Variants in DAAM2 observed in about 807,000 individuals in gnomAD.
DAAM2 encodes the protein dishevelled associated activator of morphogenesis 2.
A neutral mutation model predicts 120.7 loss-of-function variants in DAAM2; 39 were observed. The observed-to-expected ratio is 0.32, with a 90% CI of 0.25 to 0.42. The LOEUF (loss-of-function observed/expected upper bound fraction) is 0.42. Among genes scored for constraint, DAAM2 ranks in the 10% least tolerant of loss-of-function variants. The probability of loss-of-function intolerance (pLI) is 1.00; values close to 1 mark genes in which losing one functional copy is unlikely to be tolerated. For missense variants in DAAM2, 1,283 were observed against 1,401.7 expected (o/e 0.92, Z 1.35); for synonymous variants, 488 against 524.9 (o/e 0.93, Z 0.96).
chr6:39,815,496 G>A (rs1762280131), intron 1 of DAAM2, among the ~76,000 whole-genome samples: 3 of 152,138 alleles, frequency 2.0e-5, no homozygotes, highest in African/African-American at 7.2e-5. Flanking sequence ...GCAGCTGTGA[G>A]CCTTCAATGA....
rs199545289 is a variant in DAAM2, at chr6:39,868,857, G to T, written c.797G>T (p.Arg266Leu). 8 of 1,587,060 alleles carry T rather than the reference G, an allele frequency of 5.0e-6. No individual in the cohort carries two copies. In the African/African-American group the frequency reaches 1.1e-4, roughly 21 times the overall value. ...LLNELDRSLG[R>L]YRDEVNLKTA... is the part of the protein sequence containing the mutation. ...AACGAGCTAGACCGAAGTCTGGGCC[G>T]GTACCGGGATGAAGTGAATCTGAAA... The change falls in exon 7 of 25, where the codon CGG becomes CTG. Residue 266 changes from arginine to leucine, a missense_variant. This residue lies in a region of DAAM2 where 338 missense variants were observed against 443.9 expected (regional missense o/e 0.76). Coordinates refer to ENST00000274867, the MANE Select transcript of DAAM2 (RefSeq NM_001201427.2).
At position 39,867,848 on chromosome 6, in the gene DAAM2, G is replaced by A; in HGVS notation, c.762+5G>A. 6.4e-7 allele frequency: 1 copy of A among 1,566,792 alleles called. No homozygotes were observed. Among genetic ancestry groups the A allele is most frequent in the Non-Finnish European group, 8.6e-7 (1 of 1,157,820 alleles). ...GCAGAGCGAACCCGCTTCCAGGTGA[G>A]GGGCCAGGCTGGAGGTGGGATGCCA... On this transcript the variant is annotated splice_donor_5th_base_variant and intron_variant, in intron 6 of 24. Transcript: ENST00000274867.
intron 1 of DAAM2, among the ~76,000 whole-genome samples, chr6:39,838,553 A>C (rs1364103479): frequency 6.6e-6 from 1 of 152,214 alleles, no homozygotes; most frequent in Non-Finnish European, 1.5e-5. Context: ...CCTACAAATT[A>C]GTGTCACCTG....
At chr6:39,819,781 C>T (rs1270741471) in intron 1 of DAAM2, 1 of 152,248 alleles carries the variant, frequency 6.6e-6, no homozygotes, top group Non-Finnish European at 1.5e-5. Flanking sequence ...GTGGTTCAGC[C>T]TTCTCACTGT....
intron 1 of DAAM2, among the ~76,000 whole-genome samples, chr6:39,811,958 G>T (rs892057713): frequency 1.3e-5 from 2 of 152,160 alleles, no homozygotes; most frequent in Non-Finnish European, 2.9e-5. Flanking sequence ...GACCCTCTGT[G>T]ATTTCATTCT....
In DAAM2 at chr6:39,891,505, G is replaced by C. The variant is rs559610483; in HGVS notation, c.2252+58G>C. The C allele has an allele frequency of 1.1e-5, 17 of 1,526,494 alleles. No individual in the cohort carries two copies. The East Asian group carries it at 3.8e-4, about 34-fold the overall frequency. 94.6% of individuals were successfully genotyped at this position (1,526,494 alleles called of 1,614,324 possible). ...GGTGGGGTTCTGGCAGGTGGGGCAG[G>C]TGGGGCTCTGCCAAGAGGAAGGGGA... On this transcript the variant is annotated intron_variant, in intron 18 of 24. Transcript: ENST00000274867.
intron 1 of DAAM2, among the ~76,000 whole-genome samples, chr6:39,829,042 A>T (rs974742431): frequency 2.0e-5 from 3 of 152,354 alleles, no homozygotes; most frequent in Admixed American, 6.5e-5. Flanking sequence ...AATAGCAGAG[A>T]TGCAAGGAGA....
At chr6:39,884,142 G>A in intron 15 of DAAM2, 73 bp downstream of exon 15, 1 of 775,116 alleles carries the variant, frequency 1.3e-6, no homozygotes, top group Non-Finnish European at 2.2e-6. Flanking sequence ...TTTTCTTTCT[G>A]CCTGCCTGCC....
chr6:39,874,616 T>C (rs754323556), intron 10 of DAAM2, among the ~76,000 whole-genome samples: 1 of 152,246 alleles, frequency 6.6e-6, no homozygotes, highest in Non-Finnish European at 1.5e-5. Flanking sequence ...ATTGAACTTG[T>C]TGGCTTTTTA....
At position 39,871,493 on chromosome 6, in the gene DAAM2, C is replaced by T; in HGVS notation, c.978-13C>T. On this transcript the variant is annotated splice_polypyrimidine_tract_variant and intron_variant, in intron 8 of 24. Coordinates refer to ENST00000274867, the MANE Select transcript of DAAM2 (RefSeq NM_001201427.2). The stretch of plus-strand genomic sequence containing the variant: ...TGTAATGTCTACTCTCTCTGTCTCC[C>T]CATTCTGTCTAGACATTTAGACTTC... 1.3e-6 allele frequency: 2 copies of T among 1,549,748 alleles called. No homozygotes were observed. Among genetic ancestry groups the T allele is most frequent in the Non-Finnish European group, 1.7e-6 (2 of 1,145,346 alleles).
In DAAM2 at chr6:39,849,789, T is replaced by G. The variant is rs375008119; in HGVS notation, c.-56-6458T>G. Among the ~76,000 whole-genome samples the G allele has an allele frequency of 2.2e-4, 34 of 151,948 alleles. No homozygotes were observed. The East Asian group carries it at 5.8e-3, about 26-fold the overall frequency. On this transcript the variant is annotated intron_variant, in intron 1 of 24. Coordinates refer to ENST00000274867, the MANE Select transcript of DAAM2 (RefSeq NM_001201427.2). ...AAGCAGGTGTGGTGTAGGTGGGCAG[T>G]GGGGAGATGTGTGGGCAGAGAGTCT...
At chr6:39,840,381 G>A (rs751520599) in intron 1 of DAAM2, among the ~76,000 whole-genome samples, 29 of 152,164 alleles carry the variant, frequency 1.9e-4, no homozygotes, top group Admixed American at 3.9e-4. Context: ...CCCACATTTC[G>A]GAGTTTCTTG....
At chr6:39,847,917 C>T (rs1763659056) in intron 1 of DAAM2, among the ~76,000 whole-genome samples, 1 of 152,198 alleles carries the variant, frequency 6.6e-6, no homozygotes, top group Non-Finnish European at 1.5e-5. Flanking sequence ...CTTCCTTCTT[C>T]CCCTGGCACT....
chr6:39,838,256 A>G (rs1304933356), intron 1 of DAAM2, among the ~76,000 whole-genome samples: 2 of 152,218 alleles, frequency 1.3e-5, no homozygotes, highest in African/African-American at 2.4e-5. Flanking sequence ...TTGTGAGTTG[A>G]AGGAGGACAC....
intron 1 of DAAM2, among the ~76,000 whole-genome samples, chr6:39,804,350 C>T (rs149672362): frequency 3.3e-5 from 5 of 152,226 alleles, no homozygotes; most frequent in South Asian, 2.1e-4. Context: ...ACAGAGTTAG[C>T]GCTCAGGGGA....
chr6:39,873,289 A>C lies in DAAM2; in HGVS notation c.1096A>C (p.Lys366Gln). The change falls in exon 10 of 25, where the codon AAG becomes CAG. Residue 366 changes from lysine to glutamine, a missense_variant. By Grantham distance (53) the Lys-to-Gln change is moderately conservative (BLOSUM62 1). This residue lies in a region of DAAM2 where 338 missense variants were observed against 443.9 expected (regional missense o/e 0.76). Coordinates refer to ENST00000274867, the MANE Select transcript of DAAM2 (RefSeq NM_001201427.2). Reference protein sequence around the residue: ...ASQMFELIHKKLKYTEAYPCL... With the variant: ...ASQMFELIHKQLKYTEAYPCL... Reference sequence around the variant, plus strand: ...CCAGATGTTTGAGTTGATCCACAAGAAGCTGAAGTACACGGAGGCCTACCC... The same window carrying C: ...CCAGATGTTTGAGTTGATCCACAAGCAGCTGAAGTACACGGAGGCCTACCC... 6.2e-7 allele frequency: 1 copy of C among 1,613,524 alleles called. No individual in the cohort carries two copies. Among genetic ancestry groups the C allele is most frequent in the Non-Finnish European group, 8.5e-7 (1 of 1,179,784 alleles).
intron 23 of DAAM2, among the ~76,000 whole-genome samples, chr6:39,900,754 T>C (rs1396556827): frequency 6.6e-6 from 1 of 151,920 alleles, no homozygotes; most frequent in Non-Finnish European, 1.5e-5. Context: ...CACTTTTGAG[T>C]AGTGAGATCT....
intron 1 of DAAM2, among the ~76,000 whole-genome samples, chr6:39,845,719 G>T (rs779161691): frequency 3.3e-5 from 5 of 151,734 alleles, no homozygotes; most frequent in Non-Finnish European, 4.4e-5. Flanking sequence ...AAGGACTCAG[G>T]GTCCTCCTGG....
intron 10 of DAAM2, among the ~76,000 whole-genome samples, chr6:39,874,658 C>T (rs537458610): frequency 1.2e-4 from 18 of 152,234 alleles, no homozygotes; most frequent in African/African-American, 4.1e-4. Flanking sequence ...GGATCAAGGA[C>T]CAAGGAAAGA....
Sources: gnomAD v4.1 joint callset for allele counts (sites outside exome capture counted in the v4.1 genomes callset) on GRCh38, gnomAD v4.1.1 for gene constraint, gnomAD v4.1.1 regional missense constraint, MANE v1.5 for transcripts, NCBI Gene and HGNC (gene_info 2026-07-23, HGNC 2026-07-21) for gene names.